DZANK1: variants seen among roughly 807,000 people sequenced by gnomAD.
DZANK1 encodes double zinc ribbon and ankyrin repeat-containing protein 1.
Under a neutral mutation model 94.5 loss-of-function variants are expected in DZANK1, and 91 were observed. The ratio of observed to expected loss-of-function variants is 0.96; its 90% CI spans 0.81 to 1.15. DZANK1 has a LOEUF of 1.15. Among genes scored for constraint, DZANK1 ranks in the 50% most tolerant of loss-of-function variants. The pLI is 0.00. For synonymous variants in DZANK1, 312 were observed against 325.3 expected, an observed-to-expected ratio of 0.96 and a Z score of 0.44; for missense variants, 903 against 916.4, an observed-to-expected ratio of 0.99 and a Z score of 0.19.
chr20:18,443,288 G>T, intron 8 of DZANK1, 59 bp downstream of exon 8: 1 of 1,139,090 alleles, frequency 8.8e-7, no homozygotes, highest in Non-Finnish European at 1.3e-6. Context: ...CTGTGTTACT[G>T]CTGCAAATAA....
At chr20:18,453,436 A>C (rs1265174079) in intron 5 of DZANK1, among the ~76,000 whole-genome samples, 4 of 151,040 alleles carry the variant, frequency 2.6e-5, no homozygotes, top group Non-Finnish European at 5.9e-5. Flanking sequence ...TTTCACCCAA[A>C]CTCCACCCTT....
At chr20:18,451,784 C>A (rs565864755) in intron 6 of DZANK1, 164 of 466,770 alleles carry the variant, frequency 3.5e-4, no homozygotes, top group Non-Finnish European at 6.0e-4. Flanking sequence ...TCCGTCGGAT[C>A]CCTCAGCAAA....
At chr20:18,446,273 G>A (rs2058878905) in intron 7 of DZANK1, among the ~76,000 whole-genome samples, 1 of 151,718 alleles carries the variant, frequency 6.6e-6, no homozygotes, top group South Asian at 2.1e-4. Context: ...AAGGAAGGAA[G>A]GAAAGAAGGA....
intron 8 of DZANK1, among the ~76,000 whole-genome samples, chr20:18,440,943 C>A (rs1307905115): frequency 1.3e-5 from 2 of 152,124 alleles, no homozygotes; most frequent in African/African-American, 2.4e-5. Flanking sequence ...ATATACAATA[C>A]AATTTTTGTT....
chr20:18,455,321 C>G (rs370221336), exon 4 of DZANK1: 1 of 1,608,410 alleles, frequency 6.2e-7, no homozygotes. Flanking sequence ...TCATAGTCTA[C>G]GTGAAACACC....
At chr20:18,458,902 C>CA (rs2059379157) in intron 3 of DZANK1, among the ~76,000 whole-genome samples, 1 of 152,212 alleles carries the variant, frequency 6.6e-6, no homozygotes, top group African/African-American at 2.4e-5. Flanking sequence ...GTTGAAAACT[C>CA]AAACGTTTTT....
intron 1 of DZANK1, among the ~76,000 whole-genome samples, chr20:18,466,294 A>G (rs1487623699): frequency 1.3e-5 from 2 of 152,134 alleles, no homozygotes; most frequent in African/African-American, 4.8e-5. Context: ...TTATTTATCC[A>G]TTTGTGGCTG....
chr20:18,391,677 G>A (rs2055996479), intron 17 of DZANK1, among the ~76,000 whole-genome samples: 1 of 152,250 alleles, frequency 6.6e-6, no homozygotes, highest in African/African-American at 2.4e-5. Context: ...TCCCGGGCAT[G>A]GCTGTGGGGT....
intron 9 of DZANK1, among the ~76,000 whole-genome samples, chr20:18,427,689 TAAACA>T (rs2058104299): frequency 6.6e-6 from 1 of 152,040 alleles, no homozygotes; most frequent in Admixed American, 6.6e-5. Flanking sequence ...TTTCATGGCT[TAAACA>T]GTAAACAGAA....
intron 1 of DZANK1, among the ~76,000 whole-genome samples, chr20:18,466,457 G>A (rs2059658016): frequency 6.6e-6 from 1 of 152,136 alleles, no homozygotes; most frequent in Non-Finnish European, 1.5e-5. Context: ...TGCCTTGTTG[G>A]ATAGTTCCGG....
At chr20:18,389,800 T>A in exon 19 of DZANK1, 1 of 1,614,010 alleles carries the variant, frequency 6.2e-7, no homozygotes. Flanking sequence ...GGGTCGATTG[T>A]CTTCATCACA....
At chr20:18,458,911 TTAAA>T (rs2059379641) in intron 3 of DZANK1, among the ~76,000 whole-genome samples, 1 of 152,254 alleles carries the variant, frequency 6.6e-6, no homozygotes, top group Admixed American at 6.5e-5. Context: ...TCAAACGTTT[TTAAA>T]TAAATATTTT....
At chr20:18,398,716 G>C in intron 13 of DZANK1, 90 bp from the exon 14 acceptor site, 1 of 1,277,776 alleles carries the variant, frequency 7.8e-7, no homozygotes, top group Non-Finnish European at 1.1e-6. Context: ...TCTTAGAGAG[G>C]TTAATTTCCT....
chr20:18,429,456 T>G (rs980386071), intron 9 of DZANK1, among the ~76,000 whole-genome samples: 4 of 152,188 alleles, frequency 2.6e-5, no homozygotes, highest in African/African-American at 9.7e-5. Context: ...AGTTTAAGGT[T>G]CACAGCAAAA....
chr20:18,443,781 T>C (rs1353584032), intron 7 of DZANK1, among the ~76,000 whole-genome samples: 1 of 152,120 alleles, frequency 6.6e-6, no homozygotes, highest in African/African-American at 2.4e-5. Context: ...TCCTGTCACA[T>C]TGGATTTGAT....
chr20:18,436,713 C>T (rs1432289478), intron 8 of DZANK1, among the ~76,000 whole-genome samples: 1 of 152,108 alleles, frequency 6.6e-6, no homozygotes, highest in Non-Finnish European at 1.5e-5. Context: ...ATACTCAGCA[C>T]ATCCAATAAG....
intron 15 of DZANK1, 33 bp from the exon 16 acceptor site, chr20:18,394,383 G>A: frequency 1.3e-6 from 2 of 1,592,128 alleles, no homozygotes; most frequent in Non-Finnish European, 1.7e-6. Flanking sequence ...CACCATGAAT[G>A]ATGAGGCTGC....
At chr20:18,434,557 A>G (rs1028544693) in intron 8 of DZANK1, among the ~76,000 whole-genome samples, 1 of 144,050 alleles carries the variant, frequency 6.9e-6, no homozygotes, top group Non-Finnish European at 1.5e-5. Context: ...AAAAAAAAAA[A>G]AAAAAAAAAA....
intron 13 of DZANK1, among the ~76,000 whole-genome samples, chr20:18,405,485 C>T (rs2056916696): frequency 6.6e-6 from 1 of 152,104 alleles, no homozygotes; most frequent in Non-Finnish European, 1.5e-5. Context: ...AGCATGCCAA[C>T]ATCTACATGA....
Sources: gnomAD v4.1 joint callset for allele counts (sites outside exome capture counted in the v4.1 genomes callset) on GRCh38, gnomAD v4.1.1 for gene constraint, MANE v1.5 for transcripts, NCBI Gene and HGNC (gene_info 2026-07-23, HGNC 2026-07-21) for gene names.